Variants in ARHGEF28 observed in about 807,000 individuals in gnomAD.
ARHGEF28 encodes 190 kDa guanine nucleotide exchange factor.
A neutral mutation model predicts 206.6 loss-of-function variants in ARHGEF28; 152 were observed. The ratio of observed to expected loss-of-function variants is 0.74; its 90% CI spans 0.64 to 0.84. ARHGEF28 has a LOEUF of 0.84. Ranked by LOEUF, ARHGEF28 falls within the 40% of genes least tolerant of loss-of-function variation. The pLI, the probability that ARHGEF28 is intolerant of heterozygous loss-of-function variation, is 0.00. For synonymous variants in ARHGEF28, 763 were observed against 776.4 expected (o/e 0.98, Z 0.29); for missense variants, 2,028 against 2,073.2 (o/e 0.98, Z 0.42).
At chr5:73,879,253 C>G (rs867463060) in intron 22 of ARHGEF28, among the ~76,000 whole-genome samples, 1 of 152,314 alleles carries the variant, frequency 6.6e-6, no homozygotes, top group Admixed American at 6.5e-5. Context: ...ATGTAGTTCT[C>G]GAGCCTTGGC....
intron 2 of ARHGEF28, among the ~76,000 whole-genome samples, chr5:73,714,429 A>G (rs1319178304): frequency 1.3e-5 from 2 of 152,202 alleles, no homozygotes; most frequent in Non-Finnish European, 2.9e-5. Flanking sequence ...GGGAGGCACT[A>G]AAGAATATCA....
chr5:73,880,044 G>A (rs1760810828), intron 22 of ARHGEF28, among the ~76,000 whole-genome samples: 2 of 152,142 alleles, frequency 1.3e-5, no homozygotes, highest in Admixed American at 1.3e-4. Flanking sequence ...AGCCTACAGA[G>A]GCAGGCAGGC....
Position 73,723,191 on chromosome 5 carries a change from A to AT in ARHGEF28, c.34-26635dup, listed in dbSNP as rs919147168. ...ACTGTTTTCCATTTGAAGGAAAAGA[A>AT]TTTTTTTTTTTCCTTTGTGATGGAG... On this transcript the variant is annotated intron_variant, in intron 2 of 35. Coordinates refer to ENST00000513042, the MANE Select transcript of ARHGEF28 (RefSeq NM_001177693.2). Among the ~76,000 whole-genome samples, 43 of 149,438 alleles carry AT rather than the reference A, an allele frequency of 2.9e-4. No homozygotes were observed. In the East Asian group the frequency reaches 2.9e-3, roughly 10 times the overall value.
At chr5:73,918,684 C>T (rs1763352796) in intron 35 of ARHGEF28, among the ~76,000 whole-genome samples, 1 of 152,062 alleles carries the variant, frequency 6.6e-6, no homozygotes, top group Admixed American at 6.6e-5. Flanking sequence ...AAACCCTTCT[C>T]CCCAACTCCA....
chr5:73,638,880 G>C (rs116730849), intron 1 of ARHGEF28, among the ~76,000 whole-genome samples: 3,635 of 152,112 alleles, frequency 0.024, 160 homozygotes, highest in African/African-American at 0.083. Context: ...TTTTCTTCTT[G>C]TTGTTAACTT....
At position 73,931,822 on chromosome 5, in the gene ARHGEF28, A is replaced by G. The variant is rs1405551484; in HGVS notation, c.4949-9022A>G. Among the ~76,000 whole-genome samples the G allele has an allele frequency of 4.6e-5, 7 of 152,198 alleles. No homozygotes were observed. The East Asian group carries it at 1.2e-3, about 25-fold the overall frequency. ...CTCTATTTTAGACTCCTGCTTTCCT[A>G]TTTCATAGTTTACCTACCATTTTGG... On this transcript the variant is annotated intron_variant, in intron 35 of 35. Transcript: ENST00000513042.
intron 2 of ARHGEF28, among the ~76,000 whole-genome samples, chr5:73,739,508 A>G (rs1296457779): frequency 2.0e-5 from 3 of 152,168 alleles, no homozygotes; most frequent in African/African-American, 4.8e-5. Context: ...AAGCAAAAAT[A>G]TAAGAGAGAA....
chr5:73,665,200 T>A (rs1362526013), intron 1 of ARHGEF28, among the ~76,000 whole-genome samples: 1 of 152,154 alleles, frequency 6.6e-6, no homozygotes, highest in Non-Finnish European at 1.5e-5. Context: ...ACAATTTGCC[T>A]CACATCCCTT....
intron 10 of ARHGEF28, among the ~76,000 whole-genome samples, chr5:73,836,591 A>G (rs781466943): frequency 1.3e-5 from 2 of 152,016 alleles, no homozygotes; most frequent in Non-Finnish European, 2.9e-5. Flanking sequence ...TGGTTTGTAA[A>G]TATCTTCTCC....
chr5:73,649,732 G>A (rs543522130), intron 1 of ARHGEF28, among the ~76,000 whole-genome samples: 1 of 152,294 alleles, frequency 6.6e-6, no homozygotes, highest in East Asian at 1.9e-4. Context: ...AGAAGGGAGT[G>A]TGTGCTTGCT....
At chr5:73,716,469 G>C (rs1298170432) in intron 2 of ARHGEF28, among the ~76,000 whole-genome samples, 1 of 152,176 alleles carries the variant, frequency 6.6e-6, no homozygotes, top group East Asian at 1.9e-4. Flanking sequence ...CTTATTGCTA[G>C]TGCAGCCAGT....
rs537754628 is a variant in ARHGEF28, at chr5:73,801,304, A to G, written c.1024+5913A>G. 4.6e-5 allele frequency among the ~76,000 whole-genome samples: 7 copies of G among 152,024 alleles called. No individual in the cohort carries two copies. The South Asian group carries it at 6.2e-4, about 14-fold the overall frequency. On this transcript the variant is annotated intron_variant, in intron 9 of 35. Coordinates refer to ENST00000513042, the MANE Select transcript of ARHGEF28 (RefSeq NM_001177693.2). ...TACTAAAACTACAAAAAAATTAGCC[A>G]GGCGTGGTGGTAGGCGCCTGTAATC...
At chr5:73,760,007 A>C (rs1752520563) in intron 4 of ARHGEF28, among the ~76,000 whole-genome samples, 2 of 152,354 alleles carry the variant, frequency 1.3e-5, no homozygotes, top group African/African-American at 4.8e-5. Context: ...TTTATCTTTG[A>C]ATACTGTCTG....
At chr5:73,697,754 A>T (rs1378795289) in intron 2 of ARHGEF28, among the ~76,000 whole-genome samples, 1 of 152,116 alleles carries the variant, frequency 6.6e-6, no homozygotes, top group Non-Finnish European at 1.5e-5. Context: ...GGACATTCAA[A>T]CCATAGCAAC....
intron 4 of ARHGEF28, among the ~76,000 whole-genome samples, chr5:73,771,680 T>C (rs1397560075): frequency 6.6e-6 from 1 of 152,120 alleles, no homozygotes; most frequent in African/African-American, 2.4e-5. Context: ...TCTTAACAAG[T>C]CTATTCCTGG....
In ARHGEF28 at chr5:73,904,238, T is replaced by A. The variant is rs1762429606; in HGVS notation, c.4091T>A (p.Phe1364Tyr). The A allele has an allele frequency of 1.2e-6, 2 of 1,613,932 alleles. No individual in the cohort carries two copies. The highest frequency in any genetic ancestry group is 1.7e-6 in the Non-Finnish European group (2 of 1,179,828). Residue 1364 changes from phenylalanine (F) to tyrosine (Y), a missense_variant, in exon 32 of 36, where the codon TTT becomes TAT. Transcript: ENST00000513042. ...DAGEKVECRN[F>Y]PGSSQSEIIQ... ...GTATTTTAGGTGGAATGTAGAAATT[T>A]TCCAGGTTCTTCACAATCAGAGGTG...
chr5:73,823,226 G>A (rs1756702334), intron 9 of ARHGEF28, among the ~76,000 whole-genome samples: 1 of 152,136 alleles, frequency 6.6e-6, no homozygotes, highest in Non-Finnish European at 1.5e-5. Flanking sequence ...AGTAAGTTTG[G>A]CAGATGGTTA....
chr5:73,858,272 C>A, intron 16 of ARHGEF28, 53 bp downstream of exon 16: 1 of 1,519,588 alleles, frequency 6.6e-7, no homozygotes, highest in Non-Finnish European at 8.8e-7. Context: ...CTGACAGTAA[C>A]CTTGGGAAGA....
chr5:73,844,032 C>T (rs1055289638), intron 11 of ARHGEF28, among the ~76,000 whole-genome samples: 5 of 152,216 alleles, frequency 3.3e-5, no homozygotes, highest in Admixed American at 3.3e-4. Flanking sequence ...GATTTCTTAT[C>T]CCACTACTGG....
Sources: allele counts gnomAD v4.1 joint callset (sites outside exome capture counted in the v4.1 genomes callset), GRCh38; gene constraint gnomAD v4.1.1; transcripts MANE v1.5; gene names NCBI Gene and HGNC (gene_info 2026-07-23, HGNC 2026-07-21).